Variants in DLG2 observed in about 807,000 individuals in gnomAD.
DLG2 encodes disks large homolog 2.
Under a neutral mutation model 132.5 loss-of-function variants are expected in DLG2, and 45 were observed. That is an observed-to-expected ratio of 0.34 (90% CI 0.27 to 0.44). The LOEUF (loss-of-function observed/expected upper bound fraction) is 0.44. Ranked by LOEUF, DLG2 falls within the 20% of genes least tolerant of loss-of-function variation. The probability of loss-of-function intolerance (pLI) is 1.00; values close to 1 mark genes in which losing one functional copy is unlikely to be tolerated. For synonymous variants in DLG2, 424 were observed against 419.6 expected (o/e 1.01, Z -0.13); for missense variants, 1,045 against 1,196.9 (o/e 0.87, Z 1.87).
At chr11:84,588,819 C>A (rs2099536010) in intron 6 of DLG2, among the ~76,000 whole-genome samples, 2 of 151,846 alleles carry the variant, frequency 1.3e-5, no homozygotes, top group African/African-American at 4.8e-5. Context: ...CAAGCAGCAG[C>A]CTTTGGGGCT....
intron 18 of DLG2, among the ~76,000 whole-genome samples, chr11:83,679,582 G>T (rs2078378586): frequency 6.6e-6 from 1 of 152,104 alleles, no homozygotes; most frequent in African/African-American, 2.4e-5. Context: ...CTAGTTATAA[G>T]AAGTCTATCT....
At chr11:83,749,152 C>T (rs1351522396) in intron 18 of DLG2, among the ~76,000 whole-genome samples, 1 of 152,142 alleles carries the variant, frequency 6.6e-6, no homozygotes, top group East Asian at 1.9e-4. Flanking sequence ...GGAATTCTAG[C>T]AGCACAACAC....
chr11:84,021,797 GC>G lies in DLG2; in HGVS notation c.919+37517del, dbSNP rs575187348. Among the ~76,000 whole-genome samples, 285 of 146,972 alleles carry G rather than the reference GC, an allele frequency of 1.9e-3. 1 individual carries two copies. The highest frequency in any genetic ancestry group is 6.9e-3 in the African/African-American group (276 of 40,166). On this transcript the variant is annotated intron_variant, in intron 11 of 27. Coordinates refer to ENST00000376104, the MANE Select transcript of DLG2 (RefSeq NM_001142699.3). ...TTTGAGATGGAGTTTCGCTCTTGTT[GC>G]CCAGGCTGGAGTGCAATTGGCTCAC...
chr11:85,480,085 T>C (rs1320946175), intron 3 of DLG2, among the ~76,000 whole-genome samples: 3 of 152,280 alleles, frequency 2.0e-5, no homozygotes, highest in Non-Finnish European at 4.4e-5. Flanking sequence ...CTTAAAAAAT[T>C]GGCAAATAAT....
intron 6 of DLG2, among the ~76,000 whole-genome samples, chr11:84,818,753 T>C (rs1377771724): frequency 6.6e-6 from 1 of 151,952 alleles, no homozygotes; most frequent in Non-Finnish European, 1.5e-5. Flanking sequence ...ACATATGTTA[T>C]AGACACAGGG....
chr11:83,573,540 C>T (rs763312304), intron 19 of DLG2, among the ~76,000 whole-genome samples: 1 of 152,066 alleles, frequency 6.6e-6, no homozygotes, highest in Non-Finnish European at 1.5e-5. Context: ...ATACACTGCC[C>T]GTCCCAGAAA....
Position 83,851,851 on chromosome 11 carries a change from G to A in DLG2, c.1566-18081C>T, listed in dbSNP as rs140069938. On this transcript the variant is annotated intron_variant, in intron 16 of 27. Coordinates refer to ENST00000376104, the MANE Select transcript of DLG2 (RefSeq NM_001142699.3). Reference sequence around the variant, plus strand: ...AGAGAATTGCTTGAACCCAGGAGGCGGAGATTGCAGTCAGCCAAGATCGTG... The same window carrying A: ...AGAGAATTGCTTGAACCCAGGAGGCAGAGATTGCAGTCAGCCAAGATCGTG... 5.8e-3 allele frequency among the ~76,000 whole-genome samples: 879 copies of A among 151,970 alleles called. 12 individuals are homozygous for A. Among genetic ancestry groups the A allele is most frequent in the African/African-American group, 0.02 (844 of 41,420 alleles).
At chr11:85,369,316 C>T (rs574301055) in intron 3 of DLG2, among the ~76,000 whole-genome samples, 2 of 152,148 alleles carry the variant, frequency 1.3e-5, no homozygotes, top group Non-Finnish European at 2.9e-5. Flanking sequence ...TCCCTTTCCC[C>T]CCGCCAAGAG....
chr11:84,475,293 T>C (rs142675747), intron 7 of DLG2, among the ~76,000 whole-genome samples: 1 of 152,242 alleles, frequency 6.6e-6, no homozygotes, highest in East Asian at 1.9e-4. Flanking sequence ...CTAAAATGTT[T>C]CTGTCTTCCA....
chr11:85,598,360 A>C (rs1370220557), intron 3 of DLG2, among the ~76,000 whole-genome samples: 2 of 152,060 alleles, frequency 1.3e-5, no homozygotes, highest in African/African-American at 2.4e-5. Flanking sequence ...ATAACACACT[A>C]CTCAGGGTTT....
intron 7 of DLG2, among the ~76,000 whole-genome samples, chr11:84,457,418 A>C (rs2154484018): frequency 6.6e-6 from 1 of 151,164 alleles, no homozygotes; most frequent in African/African-American, 2.4e-5. Flanking sequence ...AAAAATACAA[A>C]ATGTTTTGAG....
At chr11:84,076,450 C>T (rs1182655627) in intron 10 of DLG2, among the ~76,000 whole-genome samples, 2 of 152,132 alleles carry the variant, frequency 1.3e-5, no homozygotes, top group Non-Finnish European at 1.5e-5. Context: ...ACCTACGCCA[C>T]GCGATTATTG....
At chr11:85,501,247 A>G (rs774732138) in intron 3 of DLG2, among the ~76,000 whole-genome samples, 41 of 152,186 alleles carry the variant, frequency 2.7e-4, no homozygotes, top group Non-Finnish European at 5.4e-4. Context: ...CCCCTTCCTT[A>G]CACCTTATAC....
At chr11:83,861,077 CT>C (rs1369337673) in intron 16 of DLG2, among the ~76,000 whole-genome samples, 3 of 152,092 alleles carry the variant, frequency 2.0e-5, no homozygotes, top group Non-Finnish European at 4.4e-5. Flanking sequence ...TAAAAATTCA[CT>C]AATATATGCC....
At position 83,514,384 on chromosome 11, in the gene DLG2, C is replaced by T. The variant is rs2095200367; in HGVS notation, c.2193+18324G>A. ...TGATTTTTGTACATTGATTTTGTAT[C>T]CTGAGACTTTGCTGAAGTTGCTTAT... On this transcript the variant is annotated intron_variant, in intron 21 of 27. Coordinates refer to ENST00000376104, the MANE Select transcript of DLG2 (RefSeq NM_001142699.3). Among the ~76,000 whole-genome samples, 13 of 152,164 alleles carry T rather than the reference C, an allele frequency of 8.5e-5. No individual in the cohort carries two copies. In the South Asian group the frequency reaches 2.1e-3, roughly 24 times the overall value.
chr11:84,124,447 A>AAC (rs2094070734), intron 9 of DLG2, among the ~76,000 whole-genome samples: 1 of 152,246 alleles, frequency 6.6e-6, no homozygotes, highest in African/African-American at 2.4e-5. Context: ...TACATAAAGA[A>AAC]ACACAATATT....
intron 7 of DLG2, among the ~76,000 whole-genome samples, chr11:84,270,421 T>G (rs1432006381): frequency 1.3e-5 from 2 of 152,202 alleles, no homozygotes; most frequent in East Asian, 3.8e-4. Context: ...TCCTGAAACT[T>G]TGAAGGACTT....
intron 19 of DLG2, among the ~76,000 whole-genome samples, chr11:83,616,005 G>C (rs2060749694): frequency 6.6e-6 from 1 of 152,088 alleles, no homozygotes; most frequent in Admixed American, 6.5e-5. Context: ...TATGCATATA[G>C]TAGTGTGTAT....
chr11:85,131,790 A>C (rs2075731371), intron 5 of DLG2, among the ~76,000 whole-genome samples: 1 of 152,146 alleles, frequency 6.6e-6, no homozygotes, highest in South Asian at 2.1e-4. Flanking sequence ...GAAATTAAAT[A>C]ATCTTTTCTT....
Sources: gnomAD v4.1 joint callset for allele counts (sites outside exome capture counted in the v4.1 genomes callset) on GRCh38, gnomAD v4.1.1 for gene constraint, MANE v1.5 for transcripts, NCBI Gene and HGNC (gene_info 2026-07-23, HGNC 2026-07-21) for gene names.